The following PC variants were observed in gnomAD, a reference collection of about 807,000 sequenced individuals.
PC encodes the protein pyruvate carboxylase, also known as pyruvate carboxylase, mitochondrial.
Under a neutral mutation model 107.8 loss-of-function variants are expected in PC, and 46 were observed. That is an observed-to-expected ratio of 0.43 (90% CI 0.34 to 0.55). PC has a LOEUF of 0.55. Ranked by LOEUF, PC falls within the 20% of genes least tolerant of loss-of-function variation. PC has a pLI of 0.04. For synonymous variants in PC, 662 were observed against 684.7 expected (o/e 0.97, Z 0.52); for missense variants, 1,241 against 1,643.1 (o/e 0.76, Z 4.23).
In PC at chr11:66,863,716, G is replaced by T. The variant is rs45571833; in HGVS notation, c.1368+58C>A. 8 of 1,541,488 alleles carry T rather than the reference G, an allele frequency of 5.2e-6. No individual in the cohort carries two copies. In the African/African-American group the frequency reaches 8.2e-5, roughly 16 times the overall value. On this transcript the variant is annotated intron_variant, in intron 12 of 22. Coordinates refer to ENST00000393960, the MANE Select transcript of PC (RefSeq NM_001040716.2). Reference sequence around the variant, plus strand: ...CAAGGCCCTTGGTGGGGAAGTGAACGGTCAGGGGGCCCTCCAAGGGCCGGG... The same window carrying T: ...CAAGGCCCTTGGTGGGGAAGTGAACTGTCAGGGGGCCCTCCAAGGGCCGGG...
intron 3 of PC, among the ~76,000 whole-genome samples, chr11:66,947,460 G>A (rs1425084505): frequency 6.6e-6 from 1 of 151,912 alleles, no homozygotes; most frequent in East Asian, 1.9e-4. Context: ...GGTGGTGGGT[G>A]CCTGTAGTCC....
chr11:66,955,331 C>T (rs1026302791), intron 1 of PC, among the ~76,000 whole-genome samples: 4 of 152,158 alleles, frequency 2.6e-5, no homozygotes, highest in Non-Finnish European at 5.9e-5. Context: ...AGGTACCTAT[C>T]ACAGTGCCTG....
intron 12 of PC, chr11:66,860,774 T>C: frequency 1.4e-6 from 1 of 696,700 alleles, no homozygotes; most frequent in Non-Finnish European, 2.6e-6. Context: ...GTGTAAAGCC[T>C]GGGGAGCACG....
intron 3 of PC, among the ~76,000 whole-genome samples, chr11:66,940,159 TA>T (rs796819005): frequency 6.6e-6 from 1 of 151,118 alleles, no homozygotes; most frequent in Non-Finnish European, 1.5e-5. Context: ...ATGTATCTGA[TA>T]AGGGATTAAT....
At chr11:66,936,978 G>A (rs1383747164) in intron 3 of PC, among the ~76,000 whole-genome samples, 4 of 152,126 alleles carry the variant, frequency 2.6e-5, no homozygotes, top group African/African-American at 9.7e-5. Flanking sequence ...AAGTAGCTGG[G>A]ACTACAGGTA....
intron 3 of PC, among the ~76,000 whole-genome samples, chr11:66,905,563 T>A (rs1948137046): frequency 6.6e-6 from 1 of 152,222 alleles, no homozygotes; most frequent in Non-Finnish European, 1.5e-5. Context: ...AATATGAGAA[T>A]GCATGTGAAC....
chr11:66,878,890 T>G (rs924124083), intron 3 of PC, among the ~76,000 whole-genome samples: 7 of 152,174 alleles, frequency 4.6e-5, no homozygotes, highest in Admixed American at 1.3e-4. Flanking sequence ...CACAGTCCAC[T>G]GGCCGGGGGC....
At chr11:66,902,467 C>G (rs1316233291) in intron 3 of PC, among the ~76,000 whole-genome samples, 1 of 152,078 alleles carries the variant, frequency 6.6e-6, no homozygotes, top group Admixed American at 6.6e-5. Flanking sequence ...GGAAAGACAC[C>G]CAGATGAACA....
intron 3 of PC, among the ~76,000 whole-genome samples, chr11:66,895,893 G>A (rs1450200863): frequency 6.6e-6 from 1 of 152,102 alleles, no homozygotes; most frequent in East Asian, 1.9e-4. Context: ...ATGAACACAG[G>A]CCTACACCAA....
intron 3 of PC, among the ~76,000 whole-genome samples, chr11:66,951,091 C>G (rs1028376558): frequency 1.3e-5 from 2 of 152,120 alleles, no homozygotes; most frequent in African/African-American, 4.8e-5. Context: ...CGGGAAATCT[C>G]ACACAGGAAA....
chr11:66,911,231 T>C (rs183123358), intron 3 of PC, among the ~76,000 whole-genome samples: 39 of 152,212 alleles, frequency 2.6e-4, no homozygotes, highest in Admixed American at 1.4e-3. Context: ...AAGAACAGAA[T>C]GTCAGTCCCT....
In PC at chr11:66,866,223, G is replaced by A. The variant is rs942544161; in HGVS notation, c.1149C>T (p.Pro383=). The stretch of plus-strand genomic sequence containing the variant: ...CGGTGTCCGGCTGGAAGCTGCGCGC[G>A]GGGTCCTCGGTGGTGACCCGGCACT... ...AIQCRVTTED[P]ARSFQPDTGR... The change falls in exon 11 of 23, where the codon CCC becomes CCT. Residue 383 remains proline (P), a synonymous_variant. Coordinates refer to ENST00000393960, the MANE Select transcript of PC (RefSeq NM_001040716.2). The surrounding 1 kb of genome is among the most constrained non-coding windows in gnomAD (Gnocchi z 5.4). 21 of 1,611,624 alleles carry A rather than the reference G, an allele frequency of 1.3e-5. No individual in the cohort carries two copies. The highest frequency in any genetic ancestry group is 1.2e-4 in the African/African-American group (9 of 74,898).
chr11:66,859,215 G>A, intron 12 of PC: 1 of 1,261,618 alleles, frequency 7.9e-7, no homozygotes, highest in East Asian at 2.7e-5. Flanking sequence ...CCCGACCATG[G>A]CTGCTGGACT....
chr11:66,923,568 T>C (rs1035986867), intron 3 of PC, among the ~76,000 whole-genome samples: 2 of 151,058 alleles, frequency 1.3e-5, no homozygotes, highest in African/African-American at 4.8e-5. Flanking sequence ...TGGAGCGTAG[T>C]AGTGGCGCGA....
chr11:66,955,618 A>C (rs1486880981), intron 1 of PC, among the ~76,000 whole-genome samples: 1 of 152,176 alleles, frequency 6.6e-6, no homozygotes, highest in East Asian at 1.9e-4. Flanking sequence ...TAGTGAACAA[A>C]GCCCCTTCCC....
At chr11:66,855,816 T>C (rs1461454094) in intron 12 of PC, among the ~76,000 whole-genome samples, 3 of 152,198 alleles carry the variant, frequency 2.0e-5, no homozygotes, top group African/African-American at 7.2e-5. Flanking sequence ...GTATGTACCA[T>C]CCAACTCTCC....
rs113346749 is a variant in PC, at chr11:66,898,556, T to C, written c.1-26397A>G. On this transcript the variant is annotated intron_variant, in intron 3 of 22. Transcript: ENST00000393960. Reference sequence around the variant, plus strand: ...TTCGCTGGGCGTGGTGGCAGGCACCTGTAATCCCAGATACTTAGGAGGCTG... The same window carrying C: ...TTCGCTGGGCGTGGTGGCAGGCACCCGTAATCCCAGATACTTAGGAGGCTG... 4.2e-3 allele frequency among the ~76,000 whole-genome samples: 646 copies of C among 152,246 alleles called. 3 individuals carry two copies. Among genetic ancestry groups the C allele is most frequent in the African/African-American group, 0.015 (604 of 41,542 alleles).
intron 10 of PC, among the ~76,000 whole-genome samples, chr11:66,867,767 T>A (rs1328119745): frequency 6.6e-6 from 1 of 151,876 alleles, no homozygotes; most frequent in Non-Finnish European, 1.5e-5. Context: ...GACCGAGGAG[T>A]TCACAGCAGC....
At chr11:66,932,227 C>CT (rs887750336) in intron 3 of PC, among the ~76,000 whole-genome samples, 10 of 150,752 alleles carry the variant, frequency 6.6e-5, no homozygotes, top group Middle Eastern at 3.4e-3. Context: ...AACTGAATAC[C>CT]TTTTTTTTTA....
Sources: allele counts gnomAD v4.1 joint callset (sites outside exome capture counted in the v4.1 genomes callset), GRCh38; gene constraint gnomAD v4.1.1; non-coding constraint Gnocchi (gnomAD v3.1); transcripts MANE v1.5; gene names NCBI Gene and HGNC (gene_info 2026-07-23, HGNC 2026-07-21).